The following PCNX1 variants were observed in gnomAD, a reference collection of about 807,000 sequenced individuals.
PCNX1 encodes the protein pecanex-like protein 1.
In PCNX1, 78 loss-of-function variants were observed where a neutral mutation model predicts 242.2. That is an observed-to-expected ratio of 0.32 (90% confidence interval 0.27 to 0.39). The LOEUF (loss-of-function observed/expected upper bound fraction) is 0.39, where lower values mean the gene tolerates loss of function less well. PCNX1 is among the 10% of genes least tolerant of loss of function. The pLI, the probability that PCNX1 is intolerant of heterozygous loss-of-function variation, is 1.00. For synonymous variants in PCNX1, 1,024 were observed against 1,032.9 expected, an observed-to-expected ratio of 0.99 and a Z score of 0.17; for missense variants, 2,581 against 2,856.5, an observed-to-expected ratio of 0.90 and a Z score of 2.20.
intron 16 of PCNX1, among the ~76,000 whole-genome samples, chr14:71,030,910 A>G (rs17108907): frequency 0.048 from 7,277 of 152,262 alleles, 217 homozygotes; most frequent in Middle Eastern, 0.085. Flanking sequence ...ATTCAAATTC[A>G]TTAAGTTATC....
chr14:71,012,893 A>G, intron 10 of PCNX1, 92 bp from the exon 11 acceptor site: 1 of 838,436 alleles, frequency 1.2e-6, no homozygotes, highest in Non-Finnish European at 2.0e-6. Flanking sequence ...TAATTGAGTA[A>G]CTGTTGAATT....
intron 21 of PCNX1, among the ~76,000 whole-genome samples, 164 bp from the exon 22 acceptor site, chr14:71,047,643 A>G (rs1424625219): frequency 6.6e-6 from 1 of 152,172 alleles, no homozygotes; most frequent in African/African-American, 2.4e-5. Context: ...ATAGTCAGAT[A>G]CTTTCAGGAT....
chr14:70,920,217 A>C, intron 1 of PCNX1, among the ~76,000 whole-genome samples: 1 of 152,182 alleles, frequency 6.6e-6, no homozygotes, highest in Admixed American at 6.5e-5. Flanking sequence ...CTAATACTAA[A>C]ATGTTACATA....
chr14:71,021,937 G>A (rs7153237), intron 12 of PCNX1, among the ~76,000 whole-genome samples: 56,127 of 151,564 alleles, frequency 0.37, 10,620 homozygotes, highest in East Asian at 0.62. Context: ...CTTTTTTATT[G>A]CTTTATTTGT....
intron 30 of PCNX1, among the ~76,000 whole-genome samples, chr14:71,089,959 A>T (rs2062087203): frequency 1.3e-5 from 2 of 152,208 alleles, no homozygotes. Flanking sequence ...GTGAAGAAAA[A>T]GAAAAATTAT....
Position 70,988,671 on chromosome 14 carries a change from C to T in PCNX1, c.2416C>T (p.Pro806Ser), listed in dbSNP as rs1466759588. ...RHNAGSNPTPPTLLIGSPLSL... is the reference protein window; with the variant it reads ...RHNAGSNPTPSTLLIGSPLSL... ...CAATGCAGGGAGTAACCCTACCCCT[C>T]CTACATTGCTCATCGGATCACCCCT... Residue 806 changes from proline (P) to serine (S), a missense_variant, in exon 7 of 36, where the codon CCT becomes TCT. Physicochemically the swap from Pro to Ser is moderately conservative, Grantham distance 74. Coordinates refer to ENST00000304743, the MANE Select transcript of PCNX1 (RefSeq NM_014982.3). 3.1e-6 allele frequency: 5 copies of T among 1,613,950 alleles called. No individual in the cohort carries two copies. The highest frequency in any genetic ancestry group is 4.2e-6 in the Non-Finnish European group (5 of 1,179,866).
chr14:70,977,701 C>G lies in PCNX1; in HGVS notation c.1364C>G (p.Ala455Gly). 1 of 1,614,116 alleles carries G rather than the reference C, an allele frequency of 6.2e-7. No individual in the cohort carries two copies. The highest frequency in any genetic ancestry group is 8.5e-7 in the Non-Finnish European group (1 of 1,180,016). The change falls in exon 6 of 36, where the codon GCT (alanine) becomes GGT (glycine). Residue 455 changes from alanine to glycine, a missense_variant. By Grantham distance (60) the Ala-to-Gly change is moderately conservative. Transcript: ENST00000304743. ...AAAAGGACTAGCAGTGAAAAGATTGCTATGGAAGCGAGTACCAACAGTGGG... is the reference window on the plus strand; with the variant it reads ...AAAAGGACTAGCAGTGAAAAGATTGGTATGGAAGCGAGTACCAACAGTGGG... The part of the protein sequence containing the change: ...SDKRTSSEKI[A>G]MEASTNSGVH...
rs117673801 is a variant in PCNX1, at chr14:70,943,860, A to G, written c.154-3055A>G. Among the ~76,000 whole-genome samples the G allele has an allele frequency of 9.1e-3, 1,383 of 152,346 alleles. 10 individuals are homozygous for G. The highest frequency in any genetic ancestry group is 0.013 in the Non-Finnish European group (857 of 68,030). ...TCCCACCTGTGGTTAAAAGGGGCCA[A>G]TGTGCAGCTCAGGCTGTTGCTTCAG... is the stretch of plus-strand genomic sequence containing the variant. On this transcript the variant is annotated intron_variant, in intron 1 of 35. Coordinates refer to ENST00000304743, the MANE Select transcript of PCNX1 (RefSeq NM_014982.3).
At chr14:70,968,034 T>A (rs1595083802) in intron 3 of PCNX1, among the ~76,000 whole-genome samples, 164 bp from the exon 4 acceptor site, 2 of 152,204 alleles carry the variant, frequency 1.3e-5, no homozygotes, top group African/African-American at 4.8e-5. Flanking sequence ...ACAGGTTGCG[T>A]GGCTCCAATA....
In PCNX1 at chr14:70,978,007, A is replaced by G; in HGVS notation, c.1670A>G (p.His557Arg). The change falls in exon 6 of 36, where the codon CAC (histidine) becomes CGC (arginine). Residue 557 changes from histidine (H) to arginine (R), a missense_variant. By Grantham distance (29) the His-to-Arg change is conservative. Transcript: ENST00000304743. ...SSVIHRTASA[H>R]KSGRRRTGKK... is the part of the protein sequence containing the mutation. Reference sequence around the variant, plus strand: ...GTAATCCATCGGACAGCTTCTGCCCACAAGTCAGGCAGGAGACGCACAGGA... The same window carrying G: ...GTAATCCATCGGACAGCTTCTGCCCGCAAGTCAGGCAGGAGACGCACAGGA... 1 of 1,614,182 alleles carries G rather than the reference A, an allele frequency of 6.2e-7. No individual in the cohort carries two copies. The highest frequency in any genetic ancestry group is 8.5e-7 in the Non-Finnish European group (1 of 1,180,034).
chr14:71,091,912 CA>C (rs1179023029), intron 30 of PCNX1, among the ~76,000 whole-genome samples: 5 of 152,204 alleles, frequency 3.3e-5, no homozygotes, highest in Non-Finnish European at 5.9e-5. Flanking sequence ...TCTGTGTGAG[CA>C]GTTCGCCTTT....
rs376213077 is a variant in PCNX1 at position 71,019,692 on chromosome 14, G to T, written c.3150+530G>T. Reference sequence around the variant, plus strand: ...TGGGATTACAGGCATGAGCCACTGCGCCTGGCCTAAAAGAAAACTGTATTT... The same window carrying T: ...TGGGATTACAGGCATGAGCCACTGCTCCTGGCCTAAAAGAAAACTGTATTT... On this transcript the variant is annotated intron_variant, in intron 12 of 35. Transcript: ENST00000304743. 7.2e-5 allele frequency among the ~76,000 whole-genome samples: 11 copies of T among 151,968 alleles called. No homozygotes were observed. In the East Asian group the frequency reaches 2.1e-3, roughly 29 times the overall value.
intron 2 of PCNX1, among the ~76,000 whole-genome samples, chr14:70,956,979 A>G (rs1304025203): frequency 1.6e-5 from 2 of 126,994 alleles, no homozygotes; most frequent in African/African-American, 5.8e-5. Flanking sequence ...CTGAGTAAAT[A>G]TTTGTTTTTA....
chr14:70,954,120 T>C (rs1044781612), intron 2 of PCNX1, among the ~76,000 whole-genome samples: 10 of 152,246 alleles, frequency 6.6e-5, no homozygotes, highest in Admixed American at 5.9e-4. Context: ...AGGCTTATTT[T>C]TTTCTTTATG....
intron 6 of PCNX1, among the ~76,000 whole-genome samples, chr14:70,984,930 T>C (rs569627221): frequency 6.6e-6 from 1 of 152,326 alleles, no homozygotes; most frequent in East Asian, 1.9e-4. Context: ...ACTAAAATAA[T>C]TCATTTTAGA....
At chr14:71,007,387 CAAGAACAG>C (rs2059697844) in intron 8 of PCNX1, among the ~76,000 whole-genome samples, 1 of 151,592 alleles carries the variant, frequency 6.6e-6, no homozygotes, top group Non-Finnish European at 1.5e-5. Flanking sequence ...TTTAATATAC[CAAGAACAG>C]AACTTATATA....
At position 71,036,110 on chromosome 14, in the gene PCNX1, G is replaced by A. The variant is rs758769685; in HGVS notation, c.3820G>A (p.Val1274Met). The A allele has an allele frequency of 3.1e-6, 5 of 1,609,868 alleles. No homozygotes were observed. In the South Asian group the frequency reaches 4.4e-5, roughly 14 times the overall value. ...SDLVVCIVIGVLYFAIHVSTV... is the reference protein window; with the variant it reads ...SDLVVCIVIGMLYFAIHVSTV... ...CCTGGTAGTATGCATTGTAATTGGT[G>A]TGCTGTATTTTGCTATTCATGTAAG... is the stretch of plus-strand genomic sequence containing the variant. The change falls in exon 19 of 36, where the codon GTG becomes ATG. Residue 1274 changes from valine (V) to methionine (M), a missense_variant. Coordinates refer to ENST00000304743, the MANE Select transcript of PCNX1 (RefSeq NM_014982.3).
rs563158598 is a variant in PCNX1, at chr14:70,976,435, C to G, written c.605-507C>G. Among the ~76,000 whole-genome samples, 4 of 146,708 alleles carry G rather than the reference C, an allele frequency of 2.7e-5. No individual in the cohort carries two copies. The Admixed American group carries it at 2.8e-4, about 10-fold the overall frequency. ...TTGCCCAGGCTGGAGTGCAGTGGTA[C>G]GATCTCGGCTCACTGCATGCTCCGC... On this transcript the variant is annotated intron_variant, in intron 5 of 35. Transcript: ENST00000304743.
At position 71,050,660 on chromosome 14, in the gene PCNX1, A is replaced by G. The variant is rs1412864153; in HGVS notation, c.4347A>G (p.Glu1449=). ...FMSILFNKLW[E]LLYKLQFVYT... is the part of the protein sequence containing the mutation. Reference sequence around the variant, plus strand: ...TTCTTTTCCTCCTGCAGCTTTGGGAACTACTTTATAAATTGCAGTTTGTGT... The same window carrying G: ...TTCTTTTCCTCCTGCAGCTTTGGGAGCTACTTTATAAATTGCAGTTTGTGT... The change falls in exon 23 of 36, where the codon GAA becomes GAG. Residue 1449 remains glutamate (E), a synonymous_variant. Transcript: ENST00000304743. 6.3e-7 allele frequency: 1 copy of G among 1,595,874 alleles called. No individual in the cohort carries two copies. The highest frequency in any genetic ancestry group is 1.7e-5 in the Admixed American group (1 of 57,532).
Sources: allele counts gnomAD v4.1 joint callset (sites outside exome capture counted in the v4.1 genomes callset), GRCh38; gene constraint gnomAD v4.1.1; transcripts MANE v1.5; gene names NCBI Gene and HGNC (gene_info 2026-07-23, HGNC 2026-07-21).